POF1B: variants seen among roughly 807,000 people sequenced by gnomAD.
POF1B encodes protein POF1B.
Under a neutral mutation model 55.3 loss-of-function variants are expected in POF1B, and 53 were observed. That is an observed-to-expected ratio of 0.96 (90% confidence interval 0.77 to 1.20). The LOEUF is 1.20. POF1B is among the 50% of genes most tolerant of loss of function. POF1B has a pLI of 0.00. For synonymous variants in POF1B, 188 were observed against 148.3 expected (o/e 1.27, Z -1.95); for missense variants, 478 against 420.5 (o/e 1.14, Z -1.20).
chrX:85,345,802 T>C, intron 6 of POF1B, 58 bp downstream of exon 6: 1 of 1,016,612 alleles, frequency 9.8e-7, no homozygotes, highest in East Asian at 3.3e-5. Flanking sequence ...CATAGTGGTA[T>C]GAGAAGAGTT....
intron 7 of POF1B, among the ~76,000 whole-genome samples, chrX:85,320,444 G>C (rs1382242049): frequency 9.0e-6 from 1 of 110,723 alleles, no homozygotes; most frequent in Admixed American, 9.7e-5. Flanking sequence ...TGAAAACAGT[G>C]TGTAGAGGGA....
At chrX:85,377,064 C>A (rs369366350) in intron 2 of POF1B, among the ~76,000 whole-genome samples, 12 of 111,933 alleles carry the variant, frequency 1.1e-4, no homozygotes, top group East Asian at 8.4e-4. Context: ...AGGCTAATTG[C>A]TACACATCAA....
intron 6 of POF1B, among the ~76,000 whole-genome samples, chrX:85,342,152 G>A (rs1270850973): frequency 9.0e-6 from 1 of 111,086 alleles, no homozygotes; most frequent in East Asian, 2.9e-4. Context: ...ATTTCTTCAG[G>A]GAAGTATATG....
At chrX:85,365,215 G>T (rs1933697747) in intron 3 of POF1B, among the ~76,000 whole-genome samples, 1 of 111,573 alleles carries the variant, frequency 9.0e-6, no homozygotes, top group African/African-American at 3.3e-5. Context: ...AAATCTCAAT[G>T]ATCTTTATTT....
chrX:85,330,267 T>C (rs948570478), intron 7 of POF1B, among the ~76,000 whole-genome samples: 1 of 110,697 alleles, frequency 9.0e-6, no homozygotes, highest in Non-Finnish European at 1.9e-5. Context: ...TATTGTGTTA[T>C]ATAAAATTAT....
intron 15 of POF1B, among the ~76,000 whole-genome samples, chrX:85,293,388 G>A (rs1159962461): frequency 2.7e-5 from 3 of 111,610 alleles, no homozygotes; most frequent in East Asian, 2.8e-4. Context: ...TGGAGCTGGA[G>A]GCCATTATTC....
intron 15 of POF1B, among the ~76,000 whole-genome samples, chrX:85,296,668 C>T (rs778934576): frequency 1.7e-3 from 185 of 111,870 alleles, no homozygotes; most frequent in African/African-American, 5.8e-3. Flanking sequence ...TTGCCTTTAA[C>T]AATTTTTTCT....
chrX:85,340,126 G>T, intron 6 of POF1B, among the ~76,000 whole-genome samples: 1 of 111,066 alleles, frequency 9.0e-6, no homozygotes, highest in Non-Finnish European at 1.9e-5. Flanking sequence ...ATTAGACATT[G>T]AAGACTGGTA....
chrX:85,370,581 G>T (rs1933802850), intron 2 of POF1B, among the ~76,000 whole-genome samples: 1 of 111,525 alleles, frequency 9.0e-6, no homozygotes, highest in Non-Finnish European at 1.9e-5. Context: ...TCTGAAAATA[G>T]GTTTATTAAT....
At chrX:85,301,147 A>C (rs967215756) in intron 15 of POF1B, among the ~76,000 whole-genome samples, 22 of 112,064 alleles carry the variant, frequency 2.0e-4, no homozygotes, top group African/African-American at 6.8e-4. Flanking sequence ...TCTGCACATC[A>C]AAGAAGCTCA....
intron 6 of POF1B, among the ~76,000 whole-genome samples, chrX:85,331,610 A>G (rs1483451875): frequency 9.0e-6 from 1 of 111,039 alleles, no homozygotes; most frequent in Non-Finnish European, 1.9e-5. Flanking sequence ...CCTCTCTGCT[A>G]GATATTTGAA....
Position 85,345,969 on chromosome X carries a change from T to C in POF1B, c.614A>G (p.Gln205Arg). Residue 205 changes from glutamine (Q) to arginine (R), a missense_variant, in exon 6 of 17, where the codon CAA becomes CGA. Coordinates refer to ENST00000262753, the MANE Select transcript of POF1B (RefSeq NM_024921.4). ...GATTTGCTGGCTAGAATCAGGTTGTTGCCAGTGTGCAGAGTGGATGACCTG... is the reference window on the plus strand; with the variant it reads ...GATTTGCTGGCTAGAATCAGGTTGTCGCCAGTGTGCAGAGTGGATGACCTG... ...QPQVIHSAHW[Q>R]QPDSSQQIQA... The C allele has an allele frequency of 2.5e-6, 3 of 1,207,822 alleles. No homozygotes were observed. The highest frequency in any genetic ancestry group is 3.4e-6 in the Non-Finnish European group (3 of 893,175).
intron 7 of POF1B, among the ~76,000 whole-genome samples, chrX:85,330,441 C>T (rs1428960157): frequency 1.8e-5 from 2 of 111,182 alleles, no homozygotes; most frequent in African/African-American, 6.5e-5. Flanking sequence ...GGCAGTAGGA[C>T]GGTACCTAAT....
chrX:85,304,070 G>A, intron 14 of POF1B, among the ~76,000 whole-genome samples: 2 of 110,705 alleles, frequency 1.8e-5, no homozygotes, highest in Non-Finnish European at 3.8e-5. Flanking sequence ...CAGTCTACTG[G>A]GAATTTCACT....
intron 6 of POF1B, among the ~76,000 whole-genome samples, chrX:85,344,974 A>G (rs751877390): frequency 9.0e-6 from 1 of 111,543 alleles, no homozygotes; most frequent in East Asian, 2.8e-4. Context: ...GTTCTTTTTG[A>G]TTAATGTGGC....
At chrX:85,332,818 T>C (rs1933002864) in intron 6 of POF1B, among the ~76,000 whole-genome samples, 1 of 111,285 alleles carries the variant, frequency 9.0e-6, no homozygotes, top group Non-Finnish European at 1.9e-5. Flanking sequence ...ATGTTAGTTA[T>C]CTTGTCCATG....
Position 85,331,050 on chromosome X carries a change from T to C in POF1B, c.753A>G (p.Lys251=). Residue 251 remains lysine (K), a synonymous_variant, in exon 7 of 17, where the codon AAA becomes AAG. Coordinates refer to ENST00000262753, the MANE Select transcript of POF1B (RefSeq NM_024921.4). The part of the protein sequence containing the change: ...QVIIQDDGPE[K]LDPRYFGELL... ...ACTCTCCAAAATATCTGGGGTCCAA[T>C]TTTTCAGGGCCATCATCCTGAATTA... The C allele has an allele frequency of 8.3e-7, 1 of 1,206,834 alleles. No individual in the cohort carries two copies. The highest frequency in any genetic ancestry group is 1.1e-6 in the Non-Finnish European group (1 of 892,894).
At chrX:85,365,317 A>G (rs957533867) in intron 3 of POF1B, among the ~76,000 whole-genome samples, 1 of 111,940 alleles carries the variant, frequency 8.9e-6, no homozygotes, top group Non-Finnish European at 1.9e-5. Context: ...CATTTGGAGG[A>G]CATAAGCCAC....
chrX:85,371,927 A>C (rs1258123958), intron 2 of POF1B, among the ~76,000 whole-genome samples: 2 of 112,358 alleles, frequency 1.8e-5, no homozygotes, highest in Non-Finnish European at 3.8e-5. Flanking sequence ...TCAATTTTGC[A>C]GGAAGACCTT....
Sources: gnomAD v4.1 joint callset for allele counts (sites outside exome capture counted in the v4.1 genomes callset) on GRCh38, gnomAD v4.1.1 for gene constraint, MANE v1.5 for transcripts, NCBI Gene and HGNC (gene_info 2026-07-23, HGNC 2026-07-21) for gene names.